The following EXD3 variants were observed in gnomAD, a reference collection of about 807,000 sequenced individuals.
EXD3 encodes the protein exonuclease 3'-5' domain containing 3.
Under a neutral mutation model 98.0 loss-of-function variants are expected in EXD3, and 92 were observed. That is an observed-to-expected ratio of 0.94 (90% CI 0.79 to 1.12). EXD3 has a LOEUF of 1.12. Ranked by LOEUF, EXD3 falls within the 50% of genes most tolerant of loss-of-function variation. EXD3 has a pLI of 0.00. For synonymous variants in EXD3, 569 were observed against 526.0 expected (o/e 1.08, Z -1.12); for missense variants, 1,222 against 1,191.6 (o/e 1.03, Z -0.38).
intron 20 of EXD3, among the ~76,000 whole-genome samples, chr9:137,308,143 G>A (rs1433893694): frequency 2.6e-5 from 4 of 152,164 alleles, no homozygotes; most frequent in East Asian, 1.9e-4. Context: ...TGAGAGCCCA[G>A]GGCAGGCAGG....
chr9:137,416,114 A>G (rs769069641), intron 1 of EXD3, among the ~76,000 whole-genome samples: 2 of 152,222 alleles, frequency 1.3e-5, no homozygotes, highest in Non-Finnish European at 2.9e-5. Context: ...CACCTCACCC[A>G]TGGTGACAGG....
chr9:137,325,511 C>T, intron 17 of EXD3, among the ~76,000 whole-genome samples: 1 of 152,126 alleles, frequency 6.6e-6, no homozygotes, highest in Admixed American at 6.5e-5. Flanking sequence ...CGGCTCACTG[C>T]AAGCTCTGCC....
chr9:137,368,024 C>T (rs746537569), intron 5 of EXD3, 35 bp from the exon 6 acceptor site: 2 of 1,587,584 alleles, frequency 1.3e-6, no homozygotes, highest in East Asian at 2.2e-5. Flanking sequence ...TACTCAGGGC[C>T]TGGGAGGGGC....
At chr9:137,353,902 A>T (rs1834453279) in intron 10 of EXD3, 3 of 997,496 alleles carry the variant, frequency 3.0e-6, no homozygotes, top group Non-Finnish European at 3.6e-6. Context: ...CGTGGACGAC[A>T]ATACGTGGAA....
intron 1 of EXD3, among the ~76,000 whole-genome samples, chr9:137,411,714 G>A (rs1228180301): frequency 2.2e-5 from 3 of 137,654 alleles, no homozygotes; most frequent in Non-Finnish European, 4.8e-5. Flanking sequence ...GTTGGGGGGA[G>A]GGGGATGGGT....
intron 1 of EXD3, among the ~76,000 whole-genome samples, chr9:137,404,578 C>T (rs763018172): frequency 1.4e-4 from 21 of 152,328 alleles, no homozygotes; most frequent in African/African-American, 4.3e-4. Flanking sequence ...CACTAAAAGC[C>T]GGCCAGGCGC....
chr9:137,328,761 A>G (rs143307946), intron 17 of EXD3, among the ~76,000 whole-genome samples: 101 of 10,064 alleles, frequency 0.01, no homozygotes, highest in East Asian at 0.056. Context: ...ACTACACGGG[A>G]CTACACGGGG....
At chr9:137,391,561 T>A (rs7465828) in intron 2 of EXD3, among the ~76,000 whole-genome samples, 27,699 of 148,604 alleles carry the variant, frequency 0.19, 3,158 homozygotes, top group African/African-American at 0.32. Context: ...AGGGCCGGCC[T>A]CCCCGCCCCA....
chr9:137,400,172 G>A (rs1391253443), intron 1 of EXD3, among the ~76,000 whole-genome samples: 1 of 152,144 alleles, frequency 6.6e-6, no homozygotes, highest in Non-Finnish European at 1.5e-5. Context: ...CTCCCCCTGG[G>A]TCCCTCCCAT....
chr9:137,333,218 C>T (rs760376896), intron 17 of EXD3, among the ~76,000 whole-genome samples: 8 of 152,164 alleles, frequency 5.3e-5, no homozygotes, highest in Non-Finnish European at 8.8e-5. Flanking sequence ...TTGCCAGGGG[C>T]TCTCGGGCCT....
intron 13 of EXD3, 57 bp from the exon 14 acceptor site, chr9:137,351,204 CT>C: frequency 6.5e-7 from 1 of 1,538,448 alleles, no homozygotes; most frequent in Non-Finnish European, 8.8e-7. Flanking sequence ...GCACTGTCCC[CT>C]GACCCCAGGG....
At chr9:137,351,246 AG>A in intron 13 of EXD3, 71 bp downstream of exon 13, 1 of 1,543,894 alleles carries the variant, frequency 6.5e-7, no homozygotes, top group Non-Finnish European at 8.8e-7. Flanking sequence ...GGGCACACGG[AG>A]GGAAGGGTCA....
chr9:137,323,614 A>G, intron 19 of EXD3, 111 bp downstream of exon 19: 1 of 1,439,354 alleles, frequency 6.9e-7, no homozygotes, highest in South Asian at 1.3e-5. Flanking sequence ...TGCTCTGCCG[A>G]CACCCCACCC....
intron 1 of EXD3, among the ~76,000 whole-genome samples, chr9:137,412,540 G>C (rs936234437): frequency 6.6e-6 from 1 of 152,142 alleles, no homozygotes; most frequent in Non-Finnish European, 1.5e-5. Flanking sequence ...TCCCCAAACA[G>C]TGTCAGTGGG....
chr9:137,339,325 T>C (rs150601530), intron 17 of EXD3, among the ~76,000 whole-genome samples: 1 of 152,090 alleles, frequency 6.6e-6, no homozygotes, highest in East Asian at 1.9e-4. Flanking sequence ...AGGAAAATTA[T>C]ATGTCAGATG....
At position 137,327,754 on chromosome 9, in the gene EXD3, T is replaced by G. The variant is rs1403050220; in HGVS notation, c.1999-3611A>C. Among the ~76,000 whole-genome samples, 29 of 125,468 alleles carry G rather than the reference T, an allele frequency of 2.3e-4. 3 individuals are homozygous for G. Among genetic ancestry groups the G allele is most frequent in the African/African-American group, 7.0e-4 (24 of 34,410 alleles). The allele number at this position is 125,468 out of a possible 152,430, so 82.3% of individuals were successfully genotyped here. A position where few individuals can be genotyped will look rare whatever the true frequency, so the allele number is the denominator to read the frequency against. On this transcript the variant is annotated intron_variant, in intron 17 of 21. Transcript: ENST00000340951. ...CACCCACATGATGAGTAAAAACAACTAATATACTCCCATAGGATGAGTAAA... is the reference window on the plus strand; with the variant it reads ...CACCCACATGATGAGTAAAAACAACGAATATACTCCCATAGGATGAGTAAA...
chr9:137,352,881 C>T, intron 10 of EXD3, 95 bp from the exon 11 acceptor site: 3 of 1,479,628 alleles, frequency 2.0e-6, no homozygotes, highest in East Asian at 5.1e-5. Context: ...ACCTTGCAGA[C>T]TGGCTATGAG....
rs376234533 is a variant in EXD3, at chr9:137,352,664, C to T, written c.993G>A (p.Pro331=). The change falls in exon 11 of 22, where the codon CCG becomes CCA. Residue 331 remains proline (P), a synonymous_variant. Coordinates refer to ENST00000340951, the MANE Select transcript of EXD3 (RefSeq NM_017820.5). ...GGCGGAGTTCCACAGCCACCGCAGC[C>T]GGCAGCCGCTCCTCGGGCAGCAAGA... The part of the protein sequence containing the change: ...MELLLPEERL[P]AAVAVELRRF... 3.4e-5 allele frequency: 53 copies of T among 1,550,398 alleles called. No individual in the cohort carries two copies. Among genetic ancestry groups the T allele is most frequent in the African/African-American group, 1.1e-4 (8 of 73,216 alleles).
At chr9:137,340,595 G>A (rs1380847638) in intron 17 of EXD3, among the ~76,000 whole-genome samples, 1 of 151,964 alleles carries the variant, frequency 6.6e-6, no homozygotes, top group African/African-American at 2.4e-5. Flanking sequence ...GCATGATCAT[G>A]GCTCACTGTG....
Sources: allele counts gnomAD v4.1 joint callset (sites outside exome capture counted in the v4.1 genomes callset), GRCh38; gene constraint gnomAD v4.1.1; transcripts MANE v1.5; gene names NCBI Gene and HGNC (gene_info 2026-07-23, HGNC 2026-07-21).